STS: variants seen among roughly 807,000 people sequenced by gnomAD.
STS encodes the protein steroid sulfatase, also known as steryl-sulfatase.
In STS, 7 loss-of-function variants were observed where a neutral mutation model predicts 26.8. The ratio of observed to expected loss-of-function variants is 0.26; its 90% CI spans 0.15 to 0.49. The LOEUF (loss-of-function observed/expected upper bound fraction) is 0.49, where lower values mean the gene tolerates loss of function less well. Ranked by LOEUF, STS falls within the 20% of genes least tolerant of loss-of-function variation. The pLI is 0.98. For missense variants in STS, 434 were observed against 465.6 expected (o/e 0.93, Z 0.63); for synonymous variants, 199 against 189.4 (o/e 1.05, Z -0.42).
chrX:7,251,010 T>C (rs1489865285), intron 2 of STS, among the ~76,000 whole-genome samples: 1 of 112,379 alleles, frequency 8.9e-6, no homozygotes, highest in African/African-American at 3.2e-5. Context: ...GCCTACACAT[T>C]TGTTTAAATT....
At chrX:7,261,165 A>G (rs1923728932) in intron 6 of STS, among the ~76,000 whole-genome samples, 2 of 111,984 alleles carry the variant, frequency 1.8e-5, no homozygotes, top group African/African-American at 6.5e-5. Flanking sequence ...CTCTAAAGAG[A>G]AATGGAAAGT....
intron 1 of STS, among the ~76,000 whole-genome samples, chrX:7,177,006 C>T (rs1933583579): frequency 8.9e-6 from 1 of 111,747 alleles, no homozygotes; most frequent in Non-Finnish European, 1.9e-5. Context: ...ATAATTTTCC[C>T]ACAGCGTGTA....
At chrX:7,279,311 A>ATGTGTGTGTGTGTGTGTGTGTG in intron 7 of STS, among the ~76,000 whole-genome samples, 1 of 78,117 alleles carries the variant, frequency 1.3e-5, no homozygotes, top group Admixed American at 1.5e-4. Context: ...ATATATATAT[A>ATGTGTGTGTGTGTGTGTGTGTG]TGTGTGTGTG....
Position 7,257,589 on chromosome X carries a change from G to A in STS, c.382+1G>A. On this transcript the variant is annotated splice_donor_variant, in intron 5 of 10. Transcript: ENST00000674429. LOFTEE classifies it high-confidence loss of function. ...CAAGGTTATTCAACAGCACTGATAG[G>A]TATGGACATCTATGGGATGGGAACC... 8.3e-7 allele frequency: 1 copy of A among 1,211,765 alleles called. No individual in the cohort carries two copies. Among genetic ancestry groups the A allele is most frequent in the Non-Finnish European group, 1.1e-6 (1 of 895,433 alleles).
chrX:7,269,888 G>C (rs1569207970), intron 6 of STS, among the ~76,000 whole-genome samples: 1 of 111,649 alleles, frequency 9.0e-6, no homozygotes, highest in Admixed American at 9.5e-5. Context: ...GCCCACTGTA[G>C]TTGGAACAAT....
intron 2 of STS, chrX:7,252,455 C>T (rs1389815918): frequency 3.1e-5 from 5 of 162,712 alleles, no homozygotes; most frequent in African/African-American, 1.3e-4. Flanking sequence ...ATATTTGCTG[C>T]CAACATAAGC....
At chrX:7,295,175 A>G (rs73627543) in intron 7 of STS, among the ~76,000 whole-genome samples, 299 of 111,668 alleles carry the variant, frequency 2.7e-3, no homozygotes, top group African/African-American at 9.1e-3. Context: ...CTGAATACCA[A>G]TGTGTATATT....
chrX:7,169,966 A>T (rs802901), intron 1 of STS, among the ~76,000 whole-genome samples: 2 of 107,794 alleles, frequency 1.9e-5, no homozygotes, highest in African/African-American at 6.8e-5. Flanking sequence ...GTGCTCAAGC[A>T]TATAAGAGGC....
At chrX:7,300,138 G>C (rs1450444162) in intron 7 of STS, among the ~76,000 whole-genome samples, 2 of 111,863 alleles carry the variant, frequency 1.8e-5, no homozygotes. Flanking sequence ...TTTCTTCTTT[G>C]GGACTGCAAA....
chrX:7,183,848 G>A (rs867075585), intron 1 of STS, among the ~76,000 whole-genome samples: 4 of 110,522 alleles, frequency 3.6e-5, no homozygotes, highest in Non-Finnish European at 5.7e-5. Context: ...CTAAAAATAC[G>A]AAAATTAGCC....
chrX:7,325,637 G>A, intron 9 of STS, 139 bp downstream of exon 9: 1 of 707,443 alleles, frequency 1.4e-6, no homozygotes, highest in East Asian at 3.3e-5. Flanking sequence ...GTTTGAGGCA[G>A]GTCAATTAAT....
chrX:7,346,433 C>G (rs1928526312), intron 10 of STS, among the ~76,000 whole-genome samples: 1 of 99,027 alleles, frequency 1.0e-5, no homozygotes, highest in Non-Finnish European at 2.0e-5. Context: ...ATTGTCCTCA[C>G]CACTACTTAG....
At chrX:7,318,123 C>T (rs187363825) in intron 8 of STS, among the ~76,000 whole-genome samples, 4 of 111,739 alleles carry the variant, frequency 3.6e-5, no homozygotes, top group East Asian at 2.8e-4. Flanking sequence ...AATAAAGTCA[C>T]GAGTTTGAAT....
chrX:7,324,788 G>C (rs1452242266), intron 8 of STS, among the ~76,000 whole-genome samples: 2 of 111,567 alleles, frequency 1.8e-5, no homozygotes, highest in East Asian at 2.8e-4. Context: ...TGTTAGTCGA[G>C]GGGCTTAGAA....
At chrX:7,164,747 C>T (rs747847781) in intron 1 of STS, among the ~76,000 whole-genome samples, 1 of 109,943 alleles carries the variant, frequency 9.1e-6, no homozygotes, top group South Asian at 4.0e-4. Context: ...GGCTCTCACG[C>T]CTGGAATCCC....
intron 10 of STS, among the ~76,000 whole-genome samples, chrX:7,337,685 G>A (rs1174785901): frequency 8.9e-6 from 1 of 112,533 alleles, no homozygotes; most frequent in Admixed American, 9.4e-5. Context: ...AATCTTGCCA[G>A]CTTGTTATTA....
chrX:7,148,845 A>G (rs1484090764), intron 1 of STS, among the ~76,000 whole-genome samples: 2 of 112,200 alleles, frequency 1.8e-5, no homozygotes, highest in African/African-American at 6.5e-5. Flanking sequence ...CTAACAGTCA[A>G]CATGTCTTGC....
chrX:7,230,579 G>A (rs181352165), intron 2 of STS, among the ~76,000 whole-genome samples: 27 of 112,284 alleles, frequency 2.4e-4, no homozygotes, highest in Admixed American at 4.7e-4. Flanking sequence ...AGGTTTAATT[G>A]ACTCACAGTT....
In STS at chrX:7,204,439, A is replaced by G. The variant is rs182685803; in HGVS notation, c.-5+13431A>G. Among the ~76,000 whole-genome samples, 376 of 110,767 alleles carry G rather than the reference A, an allele frequency of 3.4e-3. 1 individual carries two copies. The highest frequency in any genetic ancestry group is 5.5e-3 in the Non-Finnish European group (289 of 52,761). On this transcript the variant is annotated intron_variant, in intron 2 of 10. Coordinates refer to ENST00000674429, the MANE Select transcript of STS (RefSeq NM_001320752.2). Reference sequence around the variant, plus strand: ...GTCTTTTGCCATTTTAAAAAATATTAGATGTTGATTATTTTCTCTGTTGAT... The same window carrying G: ...GTCTTTTGCCATTTTAAAAAATATTGGATGTTGATTATTTTCTCTGTTGAT...
Sources: allele counts gnomAD v4.1 joint callset (sites outside exome capture counted in the v4.1 genomes callset), GRCh38; gene constraint gnomAD v4.1.1; transcripts MANE v1.5; gene names NCBI Gene and HGNC (gene_info 2026-07-23, HGNC 2026-07-21).